Variants in LMLN observed in about 807,000 individuals in gnomAD.
LMLN encodes leishmanolysin-like peptidase.
Under a neutral mutation model 92.3 loss-of-function variants are expected in LMLN, and 70 were observed. The ratio of observed to expected loss-of-function variants is 0.76; its 90% CI spans 0.63 to 0.92. The LOEUF (loss-of-function observed/expected upper bound fraction) is 0.92. LMLN is among the 40% of genes least tolerant of loss of function. The pLI, the probability that LMLN is intolerant of heterozygous loss-of-function variation, is 0.00. For synonymous variants in LMLN, 308 were observed against 296.2 expected (o/e 1.04, Z -0.41); for missense variants, 691 against 814.6 (o/e 0.85, Z 1.85).
chr3:198,015,894 A>G (rs1031913407), intron 11 of LMLN, among the ~76,000 whole-genome samples: 82 of 152,278 alleles, frequency 5.4e-4, no homozygotes, highest in Non-Finnish European at 2.9e-5. Flanking sequence ...CTATTGTTAT[A>G]TTTAAAAAAA....
intron 13 of LMLN, among the ~76,000 whole-genome samples, chr3:198,022,591 C>T (rs1252838909): frequency 6.6e-6 from 1 of 152,232 alleles, no homozygotes; most frequent in Non-Finnish European, 1.5e-5. Flanking sequence ...CGCAGTGGCT[C>T]ACGCCTGTAA....
chr3:197,960,272 G>A, exon 1 of LMLN: 1 of 1,613,532 alleles, frequency 6.2e-7, no homozygotes, highest in Non-Finnish European at 8.5e-7. Flanking sequence ...GCGGAGGAGT[G>A]GGTTACTCGG....
chr3:197,982,223 C>CTTTTTTTTTTTTTTTTTTTTTTTTTTTT, intron 6 of LMLN, among the ~76,000 whole-genome samples: 1 of 116,542 alleles, frequency 8.6e-6, no homozygotes, highest in Non-Finnish European at 1.7e-5. Flanking sequence ...CAGTTACCTT[C>CTTTTTTTTTTTTTTTTTTTTTTTTTTTT]TTTTTTTTTT....
intron 10 of LMLN, among the ~76,000 whole-genome samples, chr3:197,997,578 G>C (rs575642045): frequency 6.6e-6 from 1 of 152,184 alleles, no homozygotes; most frequent in Non-Finnish European, 1.5e-5. Flanking sequence ...ACGCAGAGCC[G>C]CTGGCTACAC....
chr3:198,017,913 C>T (rs1327011114), intron 11 of LMLN, among the ~76,000 whole-genome samples: 2 of 152,100 alleles, frequency 1.3e-5, no homozygotes, highest in Non-Finnish European at 2.9e-5. Context: ...AAGACTCTGT[C>T]TCAAAATAAA....
At chr3:197,994,842 A>T (rs1721973483) in intron 9 of LMLN, 1 of 152,260 alleles carries the variant, frequency 6.6e-6, no homozygotes, top group Non-Finnish European at 1.5e-5. Context: ...TGCTCCAACA[A>T]TCCTTGTTCC....
rs533350570 is a variant in LMLN, at chr3:197,991,194, C to T, written c.1047+518C>T. Among the ~76,000 whole-genome samples, 17 of 151,038 alleles carry T rather than the reference C, an allele frequency of 1.1e-4. No individual in the cohort carries two copies. The East Asian group carries it at 1.9e-3, about 17-fold the overall frequency. On this transcript the variant is annotated intron_variant, in intron 9 of 15. Coordinates refer to ENST00000330198, the Ensembl canonical transcript of LMLN. ...TTTCGGCTCACTGCAACCTCTGTCT[C>T]CTGCGCCAAAGTGATCCTCCTACTT... is the stretch of plus-strand genomic sequence containing the variant.
In LMLN at chr3:198,021,486, CTTA is replaced by C. The variant is rs1264570139; in HGVS notation, c.1411_1413del (p.Tyr471del). ...AGTGGAATACCTGCAGAAGATTTGCCTTATTATGGTGGCTCCGTGGAAATTGCT... is the reference window on the plus strand; with the variant it reads ...AGTGGAATACCTGCAGAAGATTTGCCTTATGGTGGCTCCGTGGAAATTGCT... On this transcript the variant is annotated inframe_deletion, in exon 13 of 16. Transcript: ENST00000330198. 4 of 1,613,996 alleles carry C rather than the reference CTTA, an allele frequency of 2.5e-6. No individual in the cohort carries two copies. In the South Asian group the frequency reaches 4.4e-5, roughly 18 times the overall value.
At chr3:197,980,387 A>T in exon 6 of LMLN, 1 of 1,614,074 alleles carries the variant, frequency 6.2e-7, no homozygotes, top group South Asian at 1.1e-5. Flanking sequence ...CCAGACCAAG[A>T]AGGCATCTCA....
rs981307474 is a variant in LMLN, at chr3:198,011,216, G to A, written c.1233-8037G>A. On this transcript the variant is annotated intron_variant, in intron 11 of 15. Transcript: ENST00000330198. ...TATACATGTGCCATGTTGGTGTGCTGCACCCATTAACTTGTCATTTAGTAT... is the reference window on the plus strand; with the variant it reads ...TATACATGTGCCATGTTGGTGTGCTACACCCATTAACTTGTCATTTAGTAT... Among the ~76,000 whole-genome samples, 15 of 152,310 alleles carry A rather than the reference G, an allele frequency of 9.8e-5. No homozygotes were observed. In the South Asian group the frequency reaches 1.0e-3, roughly 11 times the overall value.
At chr3:197,970,229 A>G (rs1440178698) in intron 1 of LMLN, among the ~76,000 whole-genome samples, 1 of 152,218 alleles carries the variant, frequency 6.6e-6, no homozygotes, top group Non-Finnish European at 1.5e-5. Context: ...TTTGCTTTAA[A>G]TATTTATTTG....
chr3:197,960,601 C>A (rs888543440), intron 1 of LMLN, among the ~76,000 whole-genome samples, 161 bp downstream of exon 1: 5 of 152,136 alleles, frequency 3.3e-5, no homozygotes, highest in African/African-American at 1.2e-4. Context: ...GCTCCCTACA[C>A]CCTGCAAGTT....
chr3:197,972,013 T>C (rs1330337570), intron 1 of LMLN, among the ~76,000 whole-genome samples: 1 of 149,158 alleles, frequency 6.7e-6, no homozygotes, highest in Non-Finnish European at 1.5e-5. Flanking sequence ...TGTCTAGATC[T>C]ATCTTCAAGT....
At chr3:197,987,841 T>C (rs1721755685) in intron 8 of LMLN, among the ~76,000 whole-genome samples, 1 of 152,198 alleles carries the variant, frequency 6.6e-6, no homozygotes, top group South Asian at 2.1e-4. Context: ...TCGGATATTA[T>C]AGATCTTTTT....
chr3:197,989,419 A>G (rs1721803574), intron 8 of LMLN, among the ~76,000 whole-genome samples: 1 of 152,130 alleles, frequency 6.6e-6, no homozygotes, highest in South Asian at 2.1e-4. Flanking sequence ...TTATTTTTGT[A>G]TGTGGTGAAA....
At chr3:198,008,605 T>G (rs1199986801) in intron 11 of LMLN, among the ~76,000 whole-genome samples, 1 of 152,312 alleles carries the variant, frequency 6.6e-6, no homozygotes, top group East Asian at 1.9e-4. Context: ...CCCATGCCTG[T>G]AGTCCCAGCT....
At chr3:197,971,601 T>G (rs1313599746) in intron 1 of LMLN, among the ~76,000 whole-genome samples, 4 of 152,204 alleles carry the variant, frequency 2.6e-5, no homozygotes, top group South Asian at 4.1e-4. Flanking sequence ...TGTTTGTTTT[T>G]GGGGACAAAG....
intron 11 of LMLN, among the ~76,000 whole-genome samples, chr3:198,015,662 C>A (rs1371279558): frequency 6.7e-6 from 1 of 149,966 alleles, no homozygotes; most frequent in Non-Finnish European, 1.5e-5. Flanking sequence ...TCAGAGCCCC[C>A]TAACTAGTCT....
At chr3:197,997,839 T>C (rs1722070868) in intron 10 of LMLN, among the ~76,000 whole-genome samples, 1 of 152,236 alleles carries the variant, frequency 6.6e-6, no homozygotes, top group Admixed American at 6.5e-5. Flanking sequence ...TCTATATGAA[T>C]GTAGCATAAC....
Sources: allele counts gnomAD v4.1 joint callset (sites outside exome capture counted in the v4.1 genomes callset), GRCh38; gene constraint gnomAD v4.1.1; transcripts MANE v1.5; gene names NCBI Gene and HGNC (gene_info 2026-07-23, HGNC 2026-07-21).